MYLK: variants seen among roughly 807,000 people sequenced by gnomAD.
MYLK encodes the protein myosin light chain kinase, also known as myosin light chain kinase, smooth muscle.
In MYLK, 106 loss-of-function variants were observed where a neutral mutation model predicts 203.4. The ratio of observed to expected loss-of-function variants is 0.52; its 90% confidence interval spans 0.45 to 0.61. The LOEUF is 0.61. Ranked by LOEUF, MYLK falls within the 20% of genes least tolerant of loss-of-function variation. The pLI, the probability that MYLK is intolerant of heterozygous loss-of-function variation, is 0.00. For synonymous variants in MYLK, 867 were observed against 959.5 expected (o/e 0.90, Z 1.78); for missense variants, 2,072 against 2,442.3 (o/e 0.85, Z 3.20).
intron 24 of MYLK, among the ~76,000 whole-genome samples, chr3:123,649,900 T>TA (rs1245162159): frequency 1.3e-5 from 2 of 152,176 alleles, no homozygotes; most frequent in Non-Finnish European, 2.9e-5. Flanking sequence ...AGTTGCGTCT[T>TA]ACAGGAAATG....
intron 20 of MYLK, among the ~76,000 whole-genome samples, chr3:123,673,399 C>T (rs546328923): frequency 1.3e-5 from 2 of 152,166 alleles, no homozygotes; most frequent in East Asian, 1.9e-4. Flanking sequence ...AGACGTGAGC[C>T]ACCATGCTCA....
chr3:123,641,272 G>A (rs983529523), intron 27 of MYLK, among the ~76,000 whole-genome samples: 1 of 152,144 alleles, frequency 6.6e-6, no homozygotes, highest in Non-Finnish European at 1.5e-5. Context: ...GCCCTTCAGT[G>A]CAAATGCATG....
intron 24 of MYLK, among the ~76,000 whole-genome samples, chr3:123,650,301 T>C (rs1012508112): frequency 1.3e-5 from 2 of 152,218 alleles, no homozygotes; most frequent in African/African-American, 4.8e-5. Flanking sequence ...AGCCATCGTC[T>C]GGGCTGCGTC....
intron 13 of MYLK, among the ~76,000 whole-genome samples, chr3:123,713,579 A>ATGTG (rs3085274): frequency 2.2e-3 from 302 of 136,468 alleles, no homozygotes; most frequent in African/African-American, 7.7e-3. Context: ...GAGCAACACA[A>ATGTG]TGTGTGTGTG....
chr3:123,824,153 G>A (rs569883978), intron 3 of MYLK, among the ~76,000 whole-genome samples: 9 of 150,846 alleles, frequency 6.0e-5, no homozygotes, highest in South Asian at 2.1e-4. Context: ...GCAATGGCGC[G>A]ATCTCAGCTC....
At position 123,707,661 on chromosome 3, in the gene MYLK, T is replaced by A. The variant is rs1029372679; in HGVS notation, c.2390+93A>T. The A allele has an allele frequency of 6.9e-6, 11 of 1,600,830 alleles. No individual in the cohort carries two copies. The African/African-American group carries it at 1.3e-4, about 19-fold the overall frequency. ...CCTGGAAGTCCAAGCCCCACATCAG[T>A]TTGTGCTTCTTCTGGCTGCCCAGAC... On this transcript the variant is annotated intron_variant, in intron 16 of 33. Transcript: ENST00000360304.
intron 24 of MYLK, among the ~76,000 whole-genome samples, chr3:123,650,637 G>A (rs1203326164): frequency 6.6e-6 from 1 of 152,186 alleles, no homozygotes; most frequent in Non-Finnish European, 1.5e-5. Flanking sequence ...GAGATAGACA[G>A]GGACACCCAG....
chr3:123,817,422 T>C (rs1045544661), intron 3 of MYLK, among the ~76,000 whole-genome samples: 1 of 152,172 alleles, frequency 6.6e-6, no homozygotes, highest in African/African-American at 2.4e-5. Flanking sequence ...CCAAATTCCT[T>C]TCCCTACCTG....
At chr3:123,712,968 G>T (rs1006155509) in intron 13 of MYLK, among the ~76,000 whole-genome samples, 1 of 152,186 alleles carries the variant, frequency 6.6e-6, no homozygotes, top group Non-Finnish European at 1.5e-5. Flanking sequence ...TTCACCCAAG[G>T]ATTATGGACT....
intron 3 of MYLK, among the ~76,000 whole-genome samples, chr3:123,818,132 T>C (rs2065808131): frequency 6.6e-6 from 1 of 152,130 alleles, no homozygotes; most frequent in Admixed American, 6.5e-5. Flanking sequence ...GGCACTGTAT[T>C]ATTCAAGAAA....
chr3:123,653,378 C>T (rs2059282262), intron 24 of MYLK, among the ~76,000 whole-genome samples: 1 of 152,168 alleles, frequency 6.6e-6, no homozygotes, highest in Admixed American at 6.5e-5. Context: ...CTGGAATCCC[C>T]TCAACCAGAG....
intron 13 of MYLK, among the ~76,000 whole-genome samples, chr3:123,710,988 G>A (rs1576681434): frequency 6.6e-6 from 1 of 152,136 alleles, no homozygotes; most frequent in African/African-American, 2.4e-5. Context: ...CTACTTGGGA[G>A]GCTGAGGTGG....
chr3:123,713,577 CAATGTGT>C (rs1426017789), intron 13 of MYLK, among the ~76,000 whole-genome samples: 860 of 106,882 alleles, frequency 8.0e-3, no homozygotes, highest in African/African-American at 0.016. Context: ...AAGAGCAACA[CAATGTGT>C]GTGTGTGTGT....
chr3:123,875,534 T>C (rs2033095770), intron 2 of MYLK, among the ~76,000 whole-genome samples: 1 of 152,190 alleles, frequency 6.6e-6, no homozygotes. Context: ...ATCTCAATTG[T>C]GATGGTGCCT....
chr3:123,848,454 T>C (rs2030326643), intron 2 of MYLK, among the ~76,000 whole-genome samples: 2 of 152,132 alleles, frequency 1.3e-5, no homozygotes, highest in Non-Finnish European at 2.9e-5. Flanking sequence ...ATATTCTCCC[T>C]TGTTCCGTAC....
At chr3:123,682,606 T>A (rs1018748006) in intron 19 of MYLK, among the ~76,000 whole-genome samples, 1 of 152,212 alleles carries the variant, frequency 6.6e-6, no homozygotes, top group African/African-American at 2.4e-5. Context: ...CGGAATGCCA[T>A]TGCTGGCAGA....
At position 123,819,597 on chromosome 3, in the gene MYLK, C is replaced by T. The variant is rs139975566; in HGVS notation, c.-4+11951G>A. Among the ~76,000 whole-genome samples the T allele has an allele frequency of 6.6e-3, 1,012 of 152,258 alleles. 10 individuals are homozygous for T. The highest frequency in any genetic ancestry group is 0.022 in the African/African-American group (933 of 41,550). On this transcript the variant is annotated intron_variant, in intron 3 of 33. Transcript: ENST00000360304. The stretch of plus-strand genomic sequence containing the variant: ...CAAAAGCCTATAGAAAAGATAGTGG[C>T]AAAATAAACTCCTTTCCCATAGTCT...
Position 123,700,789 on chromosome 3 carries a change from C to T in MYLK, c.2679G>A (p.Glu893=), listed in dbSNP as rs781398383. 1 of 1,614,238 alleles carries T rather than the reference C, an allele frequency of 6.2e-7. No individual in the cohort carries two copies. The highest frequency in any genetic ancestry group is 1.7e-5 in the Admixed American group (1 of 60,030). Residue 893 remains glutamate, a synonymous_variant, in exon 18 of 34, where the codon GAG becomes GAA. Transcript: ENST00000360304. ...TEEAIRQQEV[E]QLDFRDLLGK... Reference sequence around the variant, plus strand: ...CCAGGAGGTCTCGGAAGTCCAGCTGCTCCACCTCCTGCTGGCGGATCGCCT... The same window carrying T: ...CCAGGAGGTCTCGGAAGTCCAGCTGTTCCACCTCCTGCTGGCGGATCGCCT...
At chr3:123,618,464 T>G (rs1576309309) in intron 33 of MYLK, 175 bp downstream of exon 33, 2 of 734,178 alleles carry the variant, frequency 2.7e-6, no homozygotes, top group Non-Finnish European at 4.6e-6. Flanking sequence ...GAGGTGGGAG[T>G]GCAGGGCATA....
Sources: gnomAD v4.1 joint callset for allele counts (sites outside exome capture counted in the v4.1 genomes callset) on GRCh38, gnomAD v4.1.1 for gene constraint, MANE v1.5 for transcripts, NCBI Gene and HGNC (gene_info 2026-07-23, HGNC 2026-07-21) for gene names.